The following NCAM2 variants were observed in gnomAD, a reference collection of about 807,000 sequenced individuals.
The protein encoded by NCAM2 is N-CAM-2.
NCAM2 carries 30 observed loss-of-function variants against 98.1 expected under a neutral mutation model. The ratio of observed to expected loss-of-function variants is 0.31; its 90% confidence interval spans 0.23 to 0.41. The LOEUF is 0.41. NCAM2 is among the 10% of genes least tolerant of loss of function. The pLI is 1.00. For missense variants in NCAM2, 867 were observed against 1,005.8 expected (o/e 0.86, Z 1.87); for synonymous variants, 368 against 342.4 (o/e 1.07, Z -0.83).
At chr21:21,150,069 A>G (rs2067403623) in intron 1 of NCAM2, among the ~76,000 whole-genome samples, 1 of 151,872 alleles carries the variant, frequency 6.6e-6, no homozygotes, top group South Asian at 2.1e-4. Flanking sequence ...ACAGCCTTCT[A>G]CTTTTATGTG....
At chr21:21,518,848 T>C (rs190406605) in intron 16 of NCAM2, among the ~76,000 whole-genome samples, 27 of 152,228 alleles carry the variant, frequency 1.8e-4, no homozygotes, top group African/African-American at 6.5e-4. Flanking sequence ...AGATGGCAGT[T>C]AATAAACGTT....
At chr21:21,285,442 G>A (rs753295711) in intron 3 of NCAM2, among the ~76,000 whole-genome samples, 40 of 151,888 alleles carry the variant, frequency 2.6e-4, no homozygotes, top group Non-Finnish European at 4.7e-4. Context: ...CTGAGCTTCC[G>A]AAGAAATGAT....
chr21:21,258,841 G>C (rs1326639884), intron 1 of NCAM2, among the ~76,000 whole-genome samples: 2 of 152,082 alleles, frequency 1.3e-5, no homozygotes, highest in African/African-American at 4.8e-5. Context: ...GAGTGCCTGC[G>C]GAGCTGCAGG....
intron 12 of NCAM2, among the ~76,000 whole-genome samples, chr21:21,459,479 T>C (rs995470253): frequency 2.0e-5 from 3 of 148,336 alleles, no homozygotes; most frequent in Non-Finnish European, 4.5e-5. Context: ...ACACATATAA[T>C]ATTCCTGTAT....
chr21:21,300,372 G>T (rs761433280), intron 5 of NCAM2, among the ~76,000 whole-genome samples: 1 of 152,006 alleles, frequency 6.6e-6, no homozygotes, highest in Admixed American at 6.6e-5. Flanking sequence ...AATTGTTTAG[G>T]TTGAGTCCAA....
intron 1 of NCAM2, among the ~76,000 whole-genome samples, chr21:21,063,114 G>C (rs2065355060): frequency 1.3e-5 from 2 of 150,170 alleles, no homozygotes; most frequent in Non-Finnish European, 3.0e-5. Flanking sequence ...GGCAAAACCA[G>C]TTCTGTAGCA....
At chr21:21,166,775 A>T (rs766077931) in intron 1 of NCAM2, among the ~76,000 whole-genome samples, 2 of 152,146 alleles carry the variant, frequency 1.3e-5, no homozygotes, top group African/African-American at 4.8e-5. Context: ...GGTTTACCAG[A>T]TTTTTATTTG....
At chr21:21,338,109 T>A (rs2074927663) in intron 7 of NCAM2, among the ~76,000 whole-genome samples, 1 of 152,140 alleles carries the variant, frequency 6.6e-6, no homozygotes, top group Non-Finnish European at 1.5e-5. Flanking sequence ...GACTTTTAAA[T>A]TGGCAGAATT....
intron 12 of NCAM2, among the ~76,000 whole-genome samples, chr21:21,460,453 ATAG>A (rs1049882985): frequency 2.6e-5 from 4 of 151,938 alleles, no homozygotes; most frequent in African/African-American, 9.7e-5. Flanking sequence ...TAGGACTTGA[ATAG>A]TAGATTTTTC....
chr21:21,441,635 G>A (rs886087472), intron 12 of NCAM2, among the ~76,000 whole-genome samples: 12 of 152,142 alleles, frequency 7.9e-5, no homozygotes, highest in African/African-American at 2.9e-4. Flanking sequence ...TGAAAATATT[G>A]AGAAGGTTGG....
intron 8 of NCAM2, among the ~76,000 whole-genome samples, chr21:21,346,710 T>G (rs2075199260): frequency 6.6e-6 from 1 of 151,968 alleles, no homozygotes; most frequent in African/African-American, 2.4e-5. Context: ...AACTAGAAAT[T>G]AATAATGAGG....
intron 1 of NCAM2, among the ~76,000 whole-genome samples, chr21:21,065,202 C>CA (rs895532590): frequency 1.3e-5 from 2 of 151,480 alleles, no homozygotes; most frequent in African/African-American, 4.8e-5. Context: ...AAACAAAAAA[C>CA]AAAAAAACAA....
chr21:21,088,731 G>T (rs920199111), intron 1 of NCAM2, among the ~76,000 whole-genome samples: 2 of 152,108 alleles, frequency 1.3e-5, no homozygotes, highest in South Asian at 4.1e-4. Flanking sequence ...GGTGGCTCAC[G>T]CCTGTAATCC....
chr21:21,082,911 TC>T (rs1569004024), intron 1 of NCAM2, among the ~76,000 whole-genome samples: 1 of 152,090 alleles, frequency 6.6e-6, no homozygotes, highest in African/African-American at 2.4e-5. Flanking sequence ...AGAATTGAGG[TC>T]AAATATCCAA....
At chr21:21,427,306 G>A (rs1417664833) in intron 11 of NCAM2, among the ~76,000 whole-genome samples, 1 of 152,030 alleles carries the variant, frequency 6.6e-6, no homozygotes, top group Admixed American at 6.6e-5. Flanking sequence ...AACAGGAAAA[G>A]AGCTATCTGA....
chr21:21,529,185 G>T (rs1353674953), intron 16 of NCAM2, among the ~76,000 whole-genome samples: 1 of 151,992 alleles, frequency 6.6e-6, no homozygotes, highest in Non-Finnish European at 1.5e-5. Flanking sequence ...TGGTTATTGT[G>T]AGTGAAATAT....
chr21:21,163,544 C>T (rs1017958430), intron 1 of NCAM2, among the ~76,000 whole-genome samples: 17 of 152,100 alleles, frequency 1.1e-4, no homozygotes, highest in African/African-American at 3.9e-4. Context: ...TTTGTCTTTG[C>T]TATGCCTGTG....
At chr21:21,106,582 A>G (rs1475390611) in intron 1 of NCAM2, among the ~76,000 whole-genome samples, 1 of 151,908 alleles carries the variant, frequency 6.6e-6, no homozygotes, top group African/African-American at 2.4e-5. Context: ...CTTTATAGTA[A>G]TAATTTTAGA....
chr21:21,453,427 G>T (rs1981638935), intron 12 of NCAM2, among the ~76,000 whole-genome samples: 1 of 152,050 alleles, frequency 6.6e-6, no homozygotes, highest in Admixed American at 6.6e-5. Flanking sequence ...AGTAGGAGTA[G>T]ACAGATAGCC....
Sources: allele counts gnomAD v4.1 joint callset (sites outside exome capture counted in the v4.1 genomes callset), GRCh38; gene constraint gnomAD v4.1.1; transcripts MANE v1.5; gene names NCBI Gene and HGNC (gene_info 2026-07-23, HGNC 2026-07-21).